The following APBB2 variants were observed in gnomAD, a reference collection of about 807,000 sequenced individuals.
APBB2 encodes the protein Fe65-like 1.
Under a neutral mutation model 82.5 loss-of-function variants are expected in APBB2, and 38 were observed. The ratio of observed to expected loss-of-function variants is 0.46; its 90% CI spans 0.36 to 0.60. APBB2 has a LOEUF of 0.60. Among genes scored for constraint, APBB2 ranks in the 20% least tolerant of loss-of-function variants. The pLI is 0.00. For missense variants in APBB2, 772 were observed against 972.3 expected (o/e 0.79, Z 2.74); for synonymous variants, 341 against 368.2 (o/e 0.93, Z 0.85).
chr4:41,051,684 C>T (rs1365658017), intron 4 of APBB2, among the ~76,000 whole-genome samples: 7 of 152,176 alleles, frequency 4.6e-5, no homozygotes, highest in Admixed American at 4.6e-4. Flanking sequence ...GGCCTACAGT[C>T]GATATTCTCA....
chr4:41,037,853 C>T (rs1467398089), intron 4 of APBB2, among the ~76,000 whole-genome samples: 2 of 152,004 alleles, frequency 1.3e-5, no homozygotes, highest in Non-Finnish European at 2.9e-5. Flanking sequence ...CCCATCTCTA[C>T]AAAAAATACA....
At chr4:41,150,051 A>C (rs1761844656) in intron 1 of APBB2, among the ~76,000 whole-genome samples, 1 of 152,180 alleles carries the variant, frequency 6.6e-6, no homozygotes, top group Non-Finnish European at 1.5e-5. Context: ...TGGGGTTCTT[A>C]CATAAAATAC....
In APBB2 at chr4:41,032,778, C is replaced by CTTTTTTTTTTT. The variant is rs11421268; in HGVS notation, c.19+447_19+457dup. On this transcript the variant is annotated intron_variant, in intron 5 of 17. Transcript: ENST00000508593. ...TGATTTTAAAGATTCATTTTTCTTT[C>CTTTTTTTTTTT]TTTTTTTTTTTTTTTTTTTTTTTTG... is the stretch of plus-strand genomic sequence containing the variant. Among the ~76,000 whole-genome samples, 106 of 84,312 alleles carry CTTTTTTTTTTT rather than the reference C, an allele frequency of 1.3e-3. 2 individuals are homozygous for CTTTTTTTTTTT. Among genetic ancestry groups the CTTTTTTTTTTT allele is most frequent in the African/African-American group, 2.0e-3 (42 of 21,308 alleles). The allele number at this position is 84,312 out of a possible 152,430, so 55.3% of individuals were successfully genotyped here.
At chr4:40,847,611 G>A (rs977513581) in intron 12 of APBB2, among the ~76,000 whole-genome samples, 1 of 152,154 alleles carries the variant, frequency 6.6e-6, no homozygotes. Context: ...ACAAACTCCT[G>A]GCAAGGTGCA....
intron 3 of APBB2, among the ~76,000 whole-genome samples, chr4:41,077,958 G>A (rs1416592129): frequency 3.9e-5 from 6 of 152,192 alleles, no homozygotes. Context: ...GACCTTATTT[G>A]AGAATTTGGG....
intron 6 of APBB2, among the ~76,000 whole-genome samples, chr4:40,968,261 T>C (rs1258191124): frequency 1.3e-5 from 2 of 152,200 alleles, no homozygotes; most frequent in Non-Finnish European, 2.9e-5. Context: ...CCTATGTTCC[T>C]GAGTACCTAT....
At chr4:40,912,036 C>T (rs1254658945) in intron 10 of APBB2, among the ~76,000 whole-genome samples, 3 of 152,156 alleles carry the variant, frequency 2.0e-5, no homozygotes, top group Admixed American at 6.5e-5. Flanking sequence ...CTCAGCGATA[C>T]GGGACAAGCA....
At chr4:40,859,200 C>T (rs1762162735) in intron 12 of APBB2, among the ~76,000 whole-genome samples, 1 of 152,146 alleles carries the variant, frequency 6.6e-6, no homozygotes, top group Non-Finnish European at 1.5e-5. Context: ...ACTCTGCCTC[C>T]TCCTGCTCTC....
intron 10 of APBB2, among the ~76,000 whole-genome samples, chr4:40,893,624 A>G (rs762456748): frequency 3.3e-5 from 5 of 152,168 alleles, no homozygotes; most frequent in Non-Finnish European, 7.3e-5. Flanking sequence ...GTAGTGACAA[A>G]TATCTTTTTG....
chr4:40,972,419 C>T lies in APBB2; in HGVS notation c.836-27346G>A, dbSNP rs1159994304. On this transcript the variant is annotated intron_variant, in intron 6 of 17. Transcript: ENST00000508593. ...CTCCAGCCTGGGTGACAGAGCGAGA[C>T]TCCATCTCAAAAAAAAAAAAAATAA... Among the ~76,000 whole-genome samples the T allele has an allele frequency of 3.2e-4, 24 of 74,942 alleles. No individual in the cohort carries two copies. The East Asian group carries it at 8.8e-3, about 27-fold the overall frequency. The allele number at this position is 74,942 out of a possible 152,430, so 49.2% of individuals were successfully genotyped here. A position where few individuals can be genotyped will look rare whatever the true frequency, so the allele number is the denominator to read the frequency against.
chr4:41,179,609 A>T (rs866823076), intron 1 of APBB2, among the ~76,000 whole-genome samples: 1 of 152,210 alleles, frequency 6.6e-6, no homozygotes, highest in Non-Finnish European at 1.5e-5. Flanking sequence ...CACAACTCTA[A>T]ATATAACAGC....
At chr4:41,181,667 C>G (rs1400955245) in intron 1 of APBB2, among the ~76,000 whole-genome samples, 3 of 152,042 alleles carry the variant, frequency 2.0e-5, no homozygotes, top group Admixed American at 1.3e-4. Context: ...CTAGCATGGC[C>G]GGGCACAGTG....
At chr4:40,880,168 G>T (rs1768058523) in intron 12 of APBB2, 1 of 985,300 alleles carries the variant, frequency 1.0e-6, no homozygotes, top group African/African-American at 1.7e-5. Flanking sequence ...CAGTGCAAAG[G>T]AAGAGGCACA....
intron 4 of APBB2, among the ~76,000 whole-genome samples, chr4:41,034,532 C>G (rs1718375756): frequency 6.6e-6 from 1 of 152,198 alleles, no homozygotes; most frequent in South Asian, 2.1e-4. Context: ...ACCATGTTGA[C>G]CAGGTTGGTC....
chr4:40,886,143 G>A (rs1348731791), intron 12 of APBB2, among the ~76,000 whole-genome samples: 4 of 152,182 alleles, frequency 2.6e-5, no homozygotes, highest in Non-Finnish European at 4.4e-5. Flanking sequence ...CATCAACCAC[G>A]AGGCAAGAGG....
At chr4:41,140,291 T>C (rs1758741575) in intron 2 of APBB2, among the ~76,000 whole-genome samples, 1 of 152,236 alleles carries the variant, frequency 6.6e-6, no homozygotes, top group Non-Finnish European at 1.5e-5. Flanking sequence ...CCTCTGAAAT[T>C]ATCTTCATTA....
chr4:41,048,744 T>G (rs1205131572), intron 4 of APBB2, among the ~76,000 whole-genome samples: 1 of 149,130 alleles, frequency 6.7e-6, no homozygotes, highest in Admixed American at 6.7e-5. Context: ...ACTGTACTGC[T>G]GCCAACTCGG....
intron 10 of APBB2, among the ~76,000 whole-genome samples, chr4:40,924,126 T>C (rs1354974528): frequency 1.3e-5 from 2 of 152,220 alleles, no homozygotes; most frequent in Admixed American, 1.3e-4. Context: ...CTCTGCGCCT[T>C]CTGCTTTTCC....
At chr4:40,840,816 G>C (rs138422536) in intron 12 of APBB2, among the ~76,000 whole-genome samples, 8 of 152,212 alleles carry the variant, frequency 5.3e-5, no homozygotes, top group African/African-American at 1.2e-4. Context: ...ACAGGGTCCT[G>C]GTGTTAATAT....
Sources: gnomAD v4.1 joint callset for allele counts (sites outside exome capture counted in the v4.1 genomes callset) on GRCh38, gnomAD v4.1.1 for gene constraint, MANE v1.5 for transcripts, NCBI Gene and HGNC (gene_info 2026-07-23, HGNC 2026-07-21) for gene names.